Variants in NELL1 observed in about 807,000 individuals in gnomAD.
NELL1 encodes protein kinase C-binding protein NELL1.
A neutral mutation model predicts 107.4 loss-of-function variants in NELL1; 76 were observed. The ratio of observed to expected loss-of-function variants is 0.71; its 90% CI spans 0.59 to 0.86. NELL1 has a LOEUF of 0.86. Ranked by LOEUF, NELL1 falls within the 40% of genes least tolerant of loss-of-function variation. The pLI is 0.00. For synonymous variants in NELL1, 353 were observed against 341.2 expected (o/e 1.03, Z -0.38); for missense variants, 1,024 against 1,005.5 (o/e 1.02, Z -0.25).
intron 13 of NELL1, among the ~76,000 whole-genome samples, chr11:21,139,437 C>T (rs141145968): frequency 1.2e-3 from 189 of 152,318 alleles, no homozygotes; most frequent in African/African-American, 4.3e-3. Context: ...GCCATCTTTC[C>T]AAATGTTCAG....
At chr11:21,382,943 G>A (rs2133771214) in intron 15 of NELL1, among the ~76,000 whole-genome samples, 1 of 152,038 alleles carries the variant, frequency 6.6e-6, no homozygotes. Context: ...TAAATAGGAA[G>A]AAAATCTAGC....
At chr11:21,164,632 A>C (rs1856442444) in intron 13 of NELL1, among the ~76,000 whole-genome samples, 1 of 152,210 alleles carries the variant, frequency 6.6e-6, no homozygotes, top group Non-Finnish European at 1.5e-5. Flanking sequence ...ATAGTGTTAT[A>C]AAATGCATTA....
intron 14 of NELL1, among the ~76,000 whole-genome samples, chr11:21,342,410 G>T (rs78782571): frequency 8.1e-6 from 1 of 123,190 alleles, no homozygotes; most frequent in Non-Finnish European, 1.7e-5. Context: ...AGAGGCTTAA[G>T]TGGGGGGGGG....
intron 3 of NELL1, among the ~76,000 whole-genome samples, chr11:20,814,328 A>G (rs1857575879): frequency 6.6e-6 from 1 of 152,228 alleles, no homozygotes; most frequent in South Asian, 2.1e-4. Flanking sequence ...TTCATGGTCT[A>G]TATGTGCAGG....
chr11:21,469,155 G>A (rs1210244032), intron 15 of NELL1, among the ~76,000 whole-genome samples: 1 of 151,904 alleles, frequency 6.6e-6, no homozygotes, highest in East Asian at 1.9e-4. Context: ...AAATTTCAGG[G>A]GCCTGCCTAC....
chr11:21,450,229 G>T (rs57996061), intron 15 of NELL1, among the ~76,000 whole-genome samples: 2,335 of 152,232 alleles, frequency 0.015, 58 homozygotes, highest in African/African-American at 0.052. Context: ...GCAAAACTCA[G>T]AAAGAACTGA....
At chr11:20,950,299 A>C (rs575460761) in intron 11 of NELL1, among the ~76,000 whole-genome samples, 1 of 152,300 alleles carries the variant, frequency 6.6e-6, no homozygotes, top group Admixed American at 6.5e-5. Context: ...ATATTTAGTG[A>C]GATGTCTCTT....
chr11:20,751,023 ATG>A (rs1554913197), intron 2 of NELL1, among the ~76,000 whole-genome samples: 8 of 142,454 alleles, frequency 5.6e-5, no homozygotes, highest in Non-Finnish European at 1.0e-4. Flanking sequence ...TTATTTGTCT[ATG>A]TGTGTGTGTG....
intron 16 of NELL1, among the ~76,000 whole-genome samples, chr11:21,544,713 A>G (rs1320353412): frequency 6.6e-6 from 1 of 151,874 alleles, no homozygotes; most frequent in Non-Finnish European, 1.5e-5. Context: ...AATGTTCTAA[A>G]TGTATTTGGT....
rs374916898 is a variant in NELL1, at chr11:21,552,053, T to C, written c.1787-8136T>C. ...ATCGCAAGAACAAAAAACCAAACAC[T>C]GCATATTCTCACTCATAGGTGGGAA... On this transcript the variant is annotated intron_variant, in intron 16 of 19. Transcript: ENST00000357134. Among the ~76,000 whole-genome samples, 20 of 143,450 alleles carry C rather than the reference T, an allele frequency of 1.4e-4. No homozygotes were observed. The East Asian group carries it at 1.7e-3, about 12-fold the overall frequency. The allele number at this position is 143,450 out of a possible 152,430, so 94.1% of individuals were successfully genotyped here. A position where few individuals can be genotyped will look rare whatever the true frequency, so the allele number is the denominator to read the frequency against.
At chr11:20,893,395 TAATTAA>T (rs1194684914) in intron 5 of NELL1, among the ~76,000 whole-genome samples, 29 of 149,504 alleles carry the variant, frequency 1.9e-4, no homozygotes, top group African/African-American at 5.6e-4. Flanking sequence ...AATAAAAAAA[TAATTAA>T]AATTAAAATT....
At chr11:21,506,274 CAG>C (rs926450068) in intron 15 of NELL1, among the ~76,000 whole-genome samples, 1 of 152,152 alleles carries the variant, frequency 6.6e-6, no homozygotes, top group African/African-American at 2.4e-5. Context: ...TACAGACCCG[CAG>C]AGTCACAGTT....
intron 12 of NELL1, among the ~76,000 whole-genome samples, chr11:20,965,444 G>A (rs1851369515): frequency 6.6e-6 from 1 of 152,142 alleles, no homozygotes; most frequent in Admixed American, 6.5e-5. Flanking sequence ...TTGAGAAAGA[G>A]AAAGAGACCA....
chr11:21,469,893 A>T (rs1029995610), intron 15 of NELL1, among the ~76,000 whole-genome samples: 1 of 152,042 alleles, frequency 6.6e-6, no homozygotes, highest in African/African-American at 2.4e-5. Context: ...GTACTTTCAG[A>T]TTGCTAGCTT....
intron 2 of NELL1, among the ~76,000 whole-genome samples, chr11:20,692,177 TTTTC>T (rs1854485492): frequency 6.6e-6 from 1 of 152,162 alleles, no homozygotes; most frequent in African/African-American, 2.4e-5. Context: ...TTCTCTCTTT[TTTTC>T]TTTATTAGTC....
At chr11:21,303,568 AAT>A in intron 14 of NELL1, among the ~76,000 whole-genome samples, 1 of 152,156 alleles carries the variant, frequency 6.6e-6, no homozygotes, top group Non-Finnish European at 1.5e-5. Context: ...TGGGAATGTA[AAT>A]TAGTACAACC....
At chr11:21,525,144 A>C (rs1293093009) in intron 15 of NELL1, among the ~76,000 whole-genome samples, 1 of 152,202 alleles carries the variant, frequency 6.6e-6, no homozygotes, top group Non-Finnish European at 1.5e-5. Context: ...TTGTTAGAGA[A>C]AATACAGAAA....
intron 2 of NELL1, among the ~76,000 whole-genome samples, chr11:20,779,193 G>C (rs1319264594): frequency 6.6e-6 from 1 of 152,184 alleles, no homozygotes; most frequent in Non-Finnish European, 1.5e-5. Flanking sequence ...TATATGTGGG[G>C]CCAGAATGGA....
intron 10 of NELL1, among the ~76,000 whole-genome samples, chr11:20,943,439 C>T (rs569294744): frequency 5.3e-5 from 8 of 151,954 alleles, no homozygotes; most frequent in South Asian, 2.1e-4. Flanking sequence ...AAAAATTAGC[C>T]GGGCATGGTG....
Sources: allele counts gnomAD v4.1 joint callset (sites outside exome capture counted in the v4.1 genomes callset), GRCh38; gene constraint gnomAD v4.1.1; transcripts MANE v1.5; gene names NCBI Gene and HGNC (gene_info 2026-07-23, HGNC 2026-07-21).